The following CFAP20DC variants were observed in gnomAD, a reference collection of about 807,000 sequenced individuals.
CFAP20DC encodes the protein protein CFAP20DC.
Under a neutral mutation model 101.7 loss-of-function variants are expected in CFAP20DC, and 84 were observed. That is an observed-to-expected ratio of 0.83 (90% CI 0.69 to 0.99). The LOEUF (loss-of-function observed/expected upper bound fraction) is 0.99. CFAP20DC is among the 50% of genes least tolerant of loss of function. The pLI is 0.00. For missense variants in CFAP20DC, 1,007 were observed against 970.3 expected (o/e 1.04, Z -0.50); for synonymous variants, 359 against 351.2 (o/e 1.02, Z -0.25).
intron 5 of CFAP20DC, among the ~76,000 whole-genome samples, chr3:58,936,397 C>T (rs1482908151): frequency 1.3e-5 from 2 of 152,252 alleles, no homozygotes; most frequent in Middle Eastern, 3.4e-3. Context: ...CTAGAAATAC[C>T]ATTTGACCCA....
intron 14 of CFAP20DC, among the ~76,000 whole-genome samples, chr3:58,822,610 A>T (rs1329691980): frequency 6.6e-6 from 1 of 152,108 alleles, no homozygotes; most frequent in African/African-American, 2.4e-5. Context: ...GACTATACAG[A>T]CTGATCCCTT....
At chr3:58,906,693 G>A (rs966010736) in intron 6 of CFAP20DC, among the ~76,000 whole-genome samples, 13 of 152,158 alleles carry the variant, frequency 8.5e-5, no homozygotes, top group African/African-American at 3.1e-4. Context: ...ACTTTGGGAG[G>A]CCAAGGTGGG....
At chr3:58,865,845 C>G (rs761660378) in intron 11 of CFAP20DC, among the ~76,000 whole-genome samples, 2 of 152,104 alleles carry the variant, frequency 1.3e-5, no homozygotes, top group Non-Finnish European at 1.5e-5. Context: ...GTGTTTTACA[C>G]CAAACTAACT....
Position 58,900,032 on chromosome 3 carries a change from G to A in CFAP20DC, c.550+13676C>T, listed in dbSNP as rs74428244. On this transcript the variant is annotated intron_variant, in intron 6 of 16. Coordinates refer to ENST00000482387, the MANE Select transcript of CFAP20DC (RefSeq NM_001394063.1). Reference sequence around the variant, plus strand: ...ATGGGAGAATCTAATAGCATAAGGCGTCAGGGAAAGTCCTGTGTGATAAAG... The same window carrying A: ...ATGGGAGAATCTAATAGCATAAGGCATCAGGGAAAGTCCTGTGTGATAAAG... Among the ~76,000 whole-genome samples the A allele has an allele frequency of 5.6e-4, 86 of 152,266 alleles. No homozygotes were observed. The East Asian group carries it at 0.014, about 24-fold the overall frequency.
intron 4 of CFAP20DC, among the ~76,000 whole-genome samples, chr3:58,939,444 T>C (rs1436181650): frequency 6.6e-6 from 1 of 152,118 alleles, no homozygotes; most frequent in Non-Finnish European, 1.5e-5. Context: ...AAACTACATT[T>C]TTTAAAATTT....
intron 4 of CFAP20DC, among the ~76,000 whole-genome samples, chr3:59,011,917 T>C (rs1445381322): frequency 1.3e-5 from 2 of 152,186 alleles, no homozygotes; most frequent in Non-Finnish European, 2.9e-5. Flanking sequence ...TATGAATAAT[T>C]AATCCTAGTA....
At chr3:58,918,643 T>C (rs77210502) in intron 5 of CFAP20DC, among the ~76,000 whole-genome samples, 1 of 152,052 alleles carries the variant, frequency 6.6e-6, no homozygotes, top group Non-Finnish European at 1.5e-5. Context: ...TTTTTTTTTT[T>C]AATCTGTTTG....
At chr3:58,865,465 G>A (rs1369636718) in intron 11 of CFAP20DC, among the ~76,000 whole-genome samples, 2 of 152,182 alleles carry the variant, frequency 1.3e-5, no homozygotes, top group Non-Finnish European at 2.9e-5. Context: ...AGGGACATGA[G>A]TCTGTAGGCA....
At chr3:58,962,284 A>T (rs1191732507) in intron 4 of CFAP20DC, among the ~76,000 whole-genome samples, 1 of 152,214 alleles carries the variant, frequency 6.6e-6, no homozygotes, top group Admixed American at 6.5e-5. Context: ...TTGGCTATTA[A>T]GACACACACT....
At chr3:58,769,138 C>T (rs529176854) in intron 15 of CFAP20DC, among the ~76,000 whole-genome samples, 9 of 152,262 alleles carry the variant, frequency 5.9e-5, no homozygotes, top group African/African-American at 1.9e-4. Flanking sequence ...TGACCCTGGG[C>T]CGAATTTTGC....
At position 58,914,415 on chromosome 3, in the gene CFAP20DC, TA is replaced by T. The variant is rs1192344837; in HGVS notation, c.394-552del. ...GCTGGGTATTTGCCAGTTTTTAAAG[TA>T]CTCTTGCAGGGACTAATTTCTGCGC... On this transcript the variant is annotated intron_variant, in intron 5 of 16. Transcript: ENST00000482387. This position sits in a 1 kb window ranked among gnomAD's most constrained non-coding sequence, Gnocchi z 4.9. Among the ~76,000 whole-genome samples the T allele has an allele frequency of 7.9e-5, 12 of 152,152 alleles. No homozygotes were observed. The highest frequency in any genetic ancestry group is 2.9e-4 in the African/African-American group (12 of 41,434).
rs998985005 is a variant in CFAP20DC at position 58,971,878 on chromosome 3, C to G, written c.279-34116G>C. On this transcript the variant is annotated intron_variant, in intron 4 of 16. Transcript: ENST00000482387. This position sits in a 1 kb window ranked among gnomAD's most constrained non-coding sequence, Gnocchi z 4.1. ...ACACGCACACATACACACACACACA[C>G]ACACACACACACACAATTAAGCTCT... 6.6e-6 allele frequency among the ~76,000 whole-genome samples: 1 copy of G among 151,708 alleles called. No homozygotes were observed. The highest frequency in any genetic ancestry group is 2.4e-5 in the African/African-American group (1 of 41,260).
In CFAP20DC at chr3:58,848,312, C is replaced by T. The variant is rs546732427; in HGVS notation, c.1971+720G>A. ...TTAATCCACTCTAACTTGCTTAGAA[C>T]ATACTTGAACCAAAGCTTTACAATG... is the stretch of plus-strand genomic sequence containing the variant. On this transcript the variant is annotated intron_variant, in intron 13 of 16. Coordinates refer to ENST00000482387, the MANE Select transcript of CFAP20DC (RefSeq NM_001394063.1). Among the ~76,000 whole-genome samples the T allele has an allele frequency of 4.6e-5, 7 of 152,222 alleles. No individual in the cohort carries two copies. In the East Asian group the frequency reaches 1.3e-3, roughly 29 times the overall value.
At chr3:58,718,213 AG>A (rs1559522062) in intron 3 of CFAP20DC, among the ~76,000 whole-genome samples, 1 of 152,236 alleles carries the variant, frequency 6.6e-6, no homozygotes, top group African/African-American at 2.4e-5. Flanking sequence ...CCAGATGGCA[AG>A]GAAAATGCCA....
intron 12 of CFAP20DC, among the ~76,000 whole-genome samples, chr3:58,854,010 A>G (rs1369759183): frequency 6.6e-6 from 1 of 152,078 alleles, no homozygotes; most frequent in African/African-American, 2.4e-5. Flanking sequence ...GAAGGAAATA[A>G]AGGGTATTCA....
At chr3:58,762,047 T>C (rs1211251858) in intron 15 of CFAP20DC, among the ~76,000 whole-genome samples, 1 of 152,208 alleles carries the variant, frequency 6.6e-6, no homozygotes, top group Non-Finnish European at 1.5e-5. Flanking sequence ...TAGATGTCTA[T>C]TAGGTCTGCT....
chr3:58,807,602 C>T (rs2107745992), intron 14 of CFAP20DC, among the ~76,000 whole-genome samples: 1 of 152,268 alleles, frequency 6.6e-6, no homozygotes, highest in East Asian at 1.9e-4. Context: ...GTAGATAAAA[C>T]CACAAAGATG....
rs930555966 is a variant in CFAP20DC at position 58,899,432 on chromosome 3, G to A, written c.550+14276C>T. ...ATTTGTGAGACACTGTGGAAGGGGGGCCTGCAGAACATGCTGCTTGGCTTC... is the reference window on the plus strand; with the variant it reads ...ATTTGTGAGACACTGTGGAAGGGGGACCTGCAGAACATGCTGCTTGGCTTC... On this transcript the variant is annotated intron_variant, in intron 6 of 16. Transcript: ENST00000482387. This position sits in a 1 kb window ranked among gnomAD's most constrained non-coding sequence, Gnocchi z 5.0. 4.6e-5 allele frequency among the ~76,000 whole-genome samples: 7 copies of A among 152,206 alleles called. No homozygotes were observed. The highest frequency in any genetic ancestry group is 8.8e-5 in the Non-Finnish European group (6 of 68,038).
chr3:58,907,071 T>G (rs2083663825), intron 6 of CFAP20DC, among the ~76,000 whole-genome samples: 1 of 151,956 alleles, frequency 6.6e-6, no homozygotes, highest in Admixed American at 6.6e-5. Flanking sequence ...ATTCCTAAAT[T>G]AAGACCTTCC....
Sources: allele counts gnomAD v4.1 joint callset (sites outside exome capture counted in the v4.1 genomes callset), GRCh38; gene constraint gnomAD v4.1.1; non-coding constraint Gnocchi (gnomAD v3.1); transcripts MANE v1.5; gene names NCBI Gene and HGNC (gene_info 2026-07-23, HGNC 2026-07-21).